Variants in KCNMA1 observed in about 807,000 individuals in gnomAD.
KCNMA1 encodes Calcium-activated potassium channel subunit alpha-1.
KCNMA1 carries 29 observed loss-of-function variants against 140.0 expected under a neutral mutation model. That is an observed-to-expected ratio of 0.21 (90% CI 0.15 to 0.28). The LOEUF (loss-of-function observed/expected upper bound fraction) is 0.28, where lower values mean the gene tolerates loss of function less well. Among genes scored for constraint, KCNMA1 ranks in the 10% least tolerant of loss-of-function variants. The pLI, the probability that KCNMA1 is intolerant of heterozygous loss-of-function variation, is 1.00. For missense variants in KCNMA1, 880 were observed against 1,602.2 expected (o/e 0.55, Z 7.70); for synonymous variants, 612 against 611.9 (o/e 1.00, Z 0.00).
intron 5 of KCNMA1, among the ~76,000 whole-genome samples, chr10:77,153,489 A>G (rs1208799218): frequency 1.3e-5 from 2 of 152,038 alleles, no homozygotes; most frequent in Non-Finnish European, 2.9e-5. Flanking sequence ...CTTTCACCTC[A>G]GCGTCCTGCA....
chr10:77,306,771 G>A (rs186013568), intron 2 of KCNMA1, among the ~76,000 whole-genome samples: 241 of 152,306 alleles, frequency 1.6e-3, no homozygotes, highest in Non-Finnish European at 2.7e-3. Context: ...CCTGAACTAG[G>A]TAAGAATAAA....
At chr10:77,084,350 T>A (rs1387170713) in intron 12 of KCNMA1, among the ~76,000 whole-genome samples, 2 of 152,164 alleles carry the variant, frequency 1.3e-5, no homozygotes, top group Non-Finnish European at 2.9e-5. Context: ...CCCATCTCAA[T>A]CTATTTCCTA....
chr10:77,610,292 C>T (rs1010998544), intron 1 of KCNMA1, among the ~76,000 whole-genome samples: 1 of 152,230 alleles, frequency 6.6e-6, no homozygotes, highest in Non-Finnish European at 1.5e-5. Context: ...GCACCCCCCA[C>T]CACACACACT....
At chr10:77,175,004 C>A (rs1052021616) in intron 5 of KCNMA1, among the ~76,000 whole-genome samples, 1 of 152,124 alleles carries the variant, frequency 6.6e-6, no homozygotes, top group African/African-American at 2.4e-5. Context: ...AATAAAAATT[C>A]GAGAACCATC....
intron 9 of KCNMA1, among the ~76,000 whole-genome samples, chr10:77,102,971 C>T (rs908483411): frequency 6.6e-6 from 1 of 152,112 alleles, no homozygotes; most frequent in Admixed American, 6.5e-5. Flanking sequence ...CAGCATCATG[C>T]CTGATGCATA....
At chr10:77,056,218 A>G (rs536355945) in intron 14 of KCNMA1, among the ~76,000 whole-genome samples, 1 of 152,226 alleles carries the variant, frequency 6.6e-6, no homozygotes, top group South Asian at 2.1e-4. Context: ...TGTTTCTACT[A>G]AAAATACAAA....
intron 1 of KCNMA1, among the ~76,000 whole-genome samples, chr10:77,620,877 G>A (rs1440012163): frequency 6.6e-6 from 1 of 152,206 alleles, no homozygotes; most frequent in East Asian, 1.9e-4. Context: ...GCTGTGCACT[G>A]CACAACTCCA....
intron 1 of KCNMA1, chr10:77,636,932 C>T (rs1289367591): frequency 6.3e-6 from 9 of 1,420,510 alleles, no homozygotes; most frequent in African/African-American, 1.4e-5. Flanking sequence ...GCTGAGTTGG[C>T]TGTCCCCACC....
chr10:76,923,908 C>G (rs1004812939), intron 23 of KCNMA1, among the ~76,000 whole-genome samples: 1 of 151,756 alleles, frequency 6.6e-6, no homozygotes, highest in African/African-American at 2.4e-5. Flanking sequence ...GGGAGGCTGA[C>G]GTGGGAGGAT....
At chr10:76,893,211 G>A (rs750125828) in intron 25 of KCNMA1, among the ~76,000 whole-genome samples, 39 of 152,094 alleles carry the variant, frequency 2.6e-4, no homozygotes, top group Non-Finnish European at 4.6e-4. Context: ...AGGCTGTGGG[G>A]CTCTATGACC....
chr10:77,087,585 C>T (rs2096721811), intron 10 of KCNMA1, among the ~76,000 whole-genome samples: 1 of 152,174 alleles, frequency 6.6e-6, no homozygotes, highest in Admixed American at 6.5e-5. Flanking sequence ...CACAGACAGA[C>T]TTAATTTACT....
At chr10:77,568,488 T>G (rs1408014723) in intron 1 of KCNMA1, among the ~76,000 whole-genome samples, 1 of 150,676 alleles carries the variant, frequency 6.6e-6, no homozygotes, top group Admixed American at 6.6e-5. Context: ...AAAAACCACA[T>G]GATTATCTCA....
At chr10:77,106,422 G>T (rs1392316409) in intron 9 of KCNMA1, among the ~76,000 whole-genome samples, 2 of 152,166 alleles carry the variant, frequency 1.3e-5, no homozygotes, top group Admixed American at 1.3e-4. Flanking sequence ...GATCGGACTG[G>T]GGGCAGTGAG....
At chr10:77,312,580 C>A (rs766596188) in intron 2 of KCNMA1, among the ~76,000 whole-genome samples, 1 of 152,144 alleles carries the variant, frequency 6.6e-6, no homozygotes, top group South Asian at 2.1e-4. Flanking sequence ...GAGCTGAAAT[C>A]GTGACACTGC....
chr10:77,121,787 T>G (rs1239645707), intron 5 of KCNMA1, among the ~76,000 whole-genome samples: 1 of 152,238 alleles, frequency 6.6e-6, no homozygotes, highest in Non-Finnish European at 1.5e-5. Flanking sequence ...TGCAAATTAT[T>G]ATGTTTTAAT....
chr10:77,559,715 T>C (rs1291307617), intron 1 of KCNMA1, among the ~76,000 whole-genome samples: 1 of 152,154 alleles, frequency 6.6e-6, no homozygotes, highest in East Asian at 1.9e-4. Context: ...ATGCTTCTGG[T>C]TTCACCTTTA....
rs544257955 is a variant in KCNMA1, at chr10:77,382,994, GTATATATATA to G, written c.540+20858_540+20867del. 7.0e-3 allele frequency among the ~76,000 whole-genome samples: 327 copies of G among 46,408 alleles called. 6 individuals are homozygous for G. Among genetic ancestry groups the G allele is most frequent in the Middle Eastern group, 0.048 (4 of 84 alleles). 30.4% of individuals were successfully genotyped at this position (46,408 alleles called of 152,430 possible). A position where few individuals can be genotyped will look rare whatever the true frequency, so the allele number is the denominator to read the frequency against. ...TGTGTGTGTGTGTGTGTGTGTGTGT[GTATATATATA>G]TATATATATATATATATATATATAT... On this transcript the variant is annotated intron_variant, in intron 2 of 27. Coordinates refer to ENST00000286628, the MANE Select transcript of KCNMA1 (RefSeq NM_001161352.2).
intron 5 of KCNMA1, among the ~76,000 whole-genome samples, chr10:77,125,613 C>A (rs892774191): frequency 3.3e-5 from 5 of 152,216 alleles, no homozygotes; most frequent in African/African-American, 1.2e-4. Context: ...TCCTGCTTCA[C>A]TTTTCTCCTC....
At chr10:77,064,520 G>A (rs2095862360) in intron 14 of KCNMA1, among the ~76,000 whole-genome samples, 1 of 152,222 alleles carries the variant, frequency 6.6e-6, no homozygotes, top group Non-Finnish European at 1.5e-5. Context: ...GTAAAGGTCT[G>A]AGAACGCTTT....
Sources: allele counts gnomAD v4.1 joint callset (sites outside exome capture counted in the v4.1 genomes callset), GRCh38; gene constraint gnomAD v4.1.1; transcripts MANE v1.5; gene names NCBI Gene and HGNC (gene_info 2026-07-23, HGNC 2026-07-21).